The following STXBP5L variants were observed in gnomAD, a reference collection of about 807,000 sequenced individuals.
STXBP5L encodes syntaxin binding protein 5L.
Under a neutral mutation model 144.5 loss-of-function variants are expected in STXBP5L, and 65 were observed. The ratio of observed to expected loss-of-function variants is 0.45; its 90% CI spans 0.37 to 0.55. The LOEUF (loss-of-function observed/expected upper bound fraction) is 0.55, where lower values mean the gene tolerates loss of function less well. Among genes scored for constraint, STXBP5L ranks in the 20% least tolerant of loss-of-function variants. STXBP5L has a pLI of 0.00. For missense variants in STXBP5L, 1,298 were observed against 1,405.5 expected (o/e 0.92, Z 1.22); for synonymous variants, 505 against 469.6 (o/e 1.08, Z -0.97).
At chr3:121,037,948 AAAT>A (rs1371783556) in intron 3 of STXBP5L, among the ~76,000 whole-genome samples, 1 of 151,958 alleles carries the variant, frequency 6.6e-6, no homozygotes, top group Non-Finnish European at 1.5e-5. Flanking sequence ...ATAATTTTTT[AAAT>A]AATATTTGTT....
chr3:121,002,504 T>C (rs945868021), intron 3 of STXBP5L, among the ~76,000 whole-genome samples: 3 of 152,218 alleles, frequency 2.0e-5, no homozygotes, highest in Admixed American at 1.3e-4. Flanking sequence ...CCTTTAATTT[T>C]GTTGATGATT....
At chr3:121,290,588 A>G (rs1221960427) in intron 19 of STXBP5L, among the ~76,000 whole-genome samples, 2 of 151,988 alleles carry the variant, frequency 1.3e-5, no homozygotes, top group African/African-American at 4.8e-5. Context: ...ATCAAAACCA[A>G]GAAGGGACAT....
intron 20 of STXBP5L, among the ~76,000 whole-genome samples, chr3:121,343,032 T>G (rs374504137): frequency 6.6e-6 from 1 of 151,976 alleles, no homozygotes; most frequent in African/African-American, 2.4e-5. Context: ...TTTTAATGAT[T>G]GTCATTCTAA....
intron 5 of STXBP5L, among the ~76,000 whole-genome samples, chr3:121,082,919 C>T (rs1019559826): frequency 3.3e-5 from 5 of 152,128 alleles, no homozygotes; most frequent in Non-Finnish European, 5.9e-5. Context: ...TACATTTGGG[C>T]TGGGCGTGGT....
intron 3 of STXBP5L, among the ~76,000 whole-genome samples, chr3:121,038,700 G>C (rs546814304): frequency 6.6e-6 from 1 of 151,778 alleles, no homozygotes; most frequent in African/African-American, 2.4e-5. Flanking sequence ...CTAAAAACTC[G>C]AACTATAATT....
At chr3:121,117,263 T>G (rs2044272603) in intron 6 of STXBP5L, among the ~76,000 whole-genome samples, 1 of 151,866 alleles carries the variant, frequency 6.6e-6, no homozygotes, top group South Asian at 2.1e-4. Context: ...ATCTACTATT[T>G]TATATATAAA....
chr3:120,960,771 C>G (rs1034286523), intron 3 of STXBP5L, among the ~76,000 whole-genome samples: 3 of 146,366 alleles, frequency 2.0e-5, no homozygotes, highest in African/African-American at 2.5e-5. Flanking sequence ...GGGGTGGGGG[C>G]AGGGGGGAGG....
At chr3:121,071,461 G>A (rs1167029449) in intron 5 of STXBP5L, among the ~76,000 whole-genome samples, 1 of 152,162 alleles carries the variant, frequency 6.6e-6, no homozygotes, top group African/African-American at 2.4e-5. Flanking sequence ...TGTCAGCAGT[G>A]ACTTGGTTTC....
At chr3:121,363,735 G>T (rs1378518126) in intron 20 of STXBP5L, among the ~76,000 whole-genome samples, 2 of 152,064 alleles carry the variant, frequency 1.3e-5, no homozygotes, top group Non-Finnish European at 2.9e-5. Flanking sequence ...CCTGATTCTT[G>T]GTTCTTATGA....
At chr3:120,990,572 A>G (rs1435560451) in intron 3 of STXBP5L, among the ~76,000 whole-genome samples, 1 of 152,182 alleles carries the variant, frequency 6.6e-6, no homozygotes. Flanking sequence ...ACAAGGCTAC[A>G]GTAACCAAAA....
At chr3:120,964,491 C>A (rs1007429277) in intron 3 of STXBP5L, among the ~76,000 whole-genome samples, 2 of 152,138 alleles carry the variant, frequency 1.3e-5, no homozygotes, top group Admixed American at 6.6e-5. Context: ...TCATTGGTTT[C>A]AAAGAACATC....
At chr3:121,335,560 G>A (rs557920659) in intron 20 of STXBP5L, among the ~76,000 whole-genome samples, 2 of 152,036 alleles carry the variant, frequency 1.3e-5, no homozygotes, top group Admixed American at 6.6e-5. Context: ...ATACTACAGG[G>A]CTACAGTAAC....
intron 12 of STXBP5L, among the ~76,000 whole-genome samples, chr3:121,235,546 T>C (rs2049449877): frequency 6.6e-6 from 1 of 152,116 alleles, no homozygotes. Context: ...TATCGTTACC[T>C]CTTGCTATTA....
intron 5 of STXBP5L, among the ~76,000 whole-genome samples, chr3:121,054,635 TG>T (rs1450346686): frequency 3.3e-4 from 49 of 150,496 alleles, no homozygotes; most frequent in African/African-American, 1.2e-3. Flanking sequence ...ATATACCTAA[TG>T]GTAAATGACG....
At chr3:121,200,057 G>C (rs2048078995) in intron 9 of STXBP5L, among the ~76,000 whole-genome samples, 1 of 152,150 alleles carries the variant, frequency 6.6e-6, no homozygotes, top group African/African-American at 2.4e-5. Flanking sequence ...CAGAAGGAAT[G>C]GTTCCAGCTC....
chr3:120,932,785 T>C (rs941680660), intron 2 of STXBP5L, among the ~76,000 whole-genome samples: 1 of 151,960 alleles, frequency 6.6e-6, no homozygotes, highest in African/African-American at 2.4e-5. Context: ...TAGCAAAGAC[T>C]TGGAACCAAC....
chr3:121,011,093 A>C (rs1944739747), intron 3 of STXBP5L, among the ~76,000 whole-genome samples: 1 of 149,828 alleles, frequency 6.7e-6, no homozygotes, highest in Non-Finnish European at 1.5e-5. Flanking sequence ...TTGGAGTTTC[A>C]GGACTGCTTT....
chr3:121,279,179 AGAGCT>A (rs2050973961), intron 18 of STXBP5L, among the ~76,000 whole-genome samples: 2 of 151,844 alleles, frequency 1.3e-5, no homozygotes, highest in South Asian at 4.1e-4. Flanking sequence ...CCTACTTAGA[AGAGCT>A]GTCTTTTTTA....
chr3:121,305,705 C>G (rs1262823534), intron 19 of STXBP5L, among the ~76,000 whole-genome samples: 1 of 152,056 alleles, frequency 6.6e-6, no homozygotes, highest in African/African-American at 2.4e-5. Flanking sequence ...TTGTGAAATA[C>G]TGACTTTTTT....
Sources: allele counts gnomAD v4.1 joint callset (sites outside exome capture counted in the v4.1 genomes callset), GRCh38; gene constraint gnomAD v4.1.1; transcripts MANE v1.5; gene names NCBI Gene and HGNC (gene_info 2026-07-23, HGNC 2026-07-21).